SLC13A3: variants seen among roughly 807,000 people sequenced by gnomAD.
SLC13A3 encodes the protein Na(+)/dicarboxylate cotransporter 3.
A neutral mutation model predicts 59.0 loss-of-function variants in SLC13A3; 40 were observed. The ratio of observed to expected loss-of-function variants is 0.68; its 90% confidence interval spans 0.53 to 0.88. The LOEUF (loss-of-function observed/expected upper bound fraction) is 0.88, where lower values mean the gene tolerates loss of function less well. Ranked by LOEUF, SLC13A3 falls within the 40% of genes least tolerant of loss-of-function variation. The pLI is 0.00. For missense variants in SLC13A3, 699 were observed against 783.2 expected, an observed-to-expected ratio of 0.89 and a Z score of 1.28; for synonymous variants, 317 against 330.3, an observed-to-expected ratio of 0.96 and a Z score of 0.44.
chr20:46,578,996 G>A (rs567947754), intron 9 of SLC13A3, among the ~76,000 whole-genome samples: 2 of 152,128 alleles, frequency 1.3e-5, no homozygotes, highest in African/African-American at 4.8e-5. Flanking sequence ...GACCACAAAG[G>A]GTGAGAAATG....
intron 12 of SLC13A3, among the ~76,000 whole-genome samples, chr20:46,561,003 C>T (rs1213580578): frequency 6.6e-6 from 1 of 152,110 alleles, no homozygotes; most frequent in African/African-American, 2.4e-5. Flanking sequence ...TCTTGGGGCC[C>T]CCAAATTACT....
intron 9 of SLC13A3, among the ~76,000 whole-genome samples, chr20:46,580,547 A>G (rs957395881): frequency 1.3e-4 from 19 of 151,886 alleles, no homozygotes; most frequent in Non-Finnish European, 2.5e-4. Context: ...CAGTTGAGTT[A>G]CAAACTCAAT....
intron 1 of SLC13A3, among the ~76,000 whole-genome samples, chr20:46,634,477 G>C (rs1304302238): frequency 2.6e-5 from 4 of 152,116 alleles, no homozygotes; most frequent in Admixed American, 6.5e-5. Context: ...AGACTCAATG[G>C]GGGAAACAGA....
chr20:46,612,776 G>A (rs2062512414), intron 2 of SLC13A3, among the ~76,000 whole-genome samples: 1 of 152,066 alleles, frequency 6.6e-6, no homozygotes, highest in Admixed American at 6.5e-5. Flanking sequence ...CTATTTTAAA[G>A]GCCACCCAAT....
chr20:46,601,172 G>A (rs1235356052), intron 3 of SLC13A3, among the ~76,000 whole-genome samples: 2 of 152,184 alleles, frequency 1.3e-5, no homozygotes, highest in Non-Finnish European at 2.9e-5. Context: ...AATCAGGGAA[G>A]GGGACCCCCT....
chr20:46,585,114 A>T (rs2062178151), intron 8 of SLC13A3: 1 of 980,940 alleles, frequency 1.0e-6, no homozygotes, highest in African/African-American at 1.7e-5. Flanking sequence ...TAAAAGAATA[A>T]ATTTGTGACC....
intron 1 of SLC13A3, among the ~76,000 whole-genome samples, chr20:46,615,788 T>C (rs533842346): frequency 6.6e-6 from 1 of 152,356 alleles, no homozygotes; most frequent in South Asian, 2.1e-4. Context: ...TTAGCTTTTC[T>C]ATCAGTGCTC....
At chr20:46,574,664 C>T (rs941845652) in intron 10 of SLC13A3, among the ~76,000 whole-genome samples, 2 of 152,036 alleles carry the variant, frequency 1.3e-5, no homozygotes, top group Non-Finnish European at 1.5e-5. Flanking sequence ...ACTCTAGAGC[C>T]GAACTGCCTG....
At chr20:46,624,540 A>G (rs539421299) in intron 1 of SLC13A3, among the ~76,000 whole-genome samples, 2 of 152,240 alleles carry the variant, frequency 1.3e-5, no homozygotes, top group Admixed American at 1.3e-4. Flanking sequence ...GCATTATGCT[A>G]TTACACAAGG....
intron 1 of SLC13A3, among the ~76,000 whole-genome samples, chr20:46,628,031 C>T (rs1316331854): frequency 6.6e-6 from 1 of 152,164 alleles, no homozygotes; most frequent in East Asian, 1.9e-4. Flanking sequence ...CAGCTCTGGT[C>T]AACCTCTGCC....
intron 1 of SLC13A3, among the ~76,000 whole-genome samples, chr20:46,636,377 C>G (rs1334110907): frequency 6.6e-6 from 1 of 152,182 alleles, no homozygotes; most frequent in Non-Finnish European, 1.5e-5. Context: ...TAGCTGGTAC[C>G]TAGAAGGTAC....
At chr20:46,652,003 C>T (rs929552964), upstream of SLC13A3, among the ~76,000 whole-genome samples, 2 of 152,174 alleles carry the variant, frequency 1.3e-5, no homozygotes, top group Admixed American at 6.5e-5. Context: ...AACCAAATGC[C>T]GCATGTTTTC....
At chr20:46,635,711 G>C (rs1420233564) in intron 1 of SLC13A3, among the ~76,000 whole-genome samples, 1 of 152,160 alleles carries the variant, frequency 6.6e-6, no homozygotes, top group Non-Finnish European at 1.5e-5. Flanking sequence ...TGCATTCCCA[G>C]GAAGTTAGGC....
At chr20:46,595,752 C>T (rs6017935) in intron 5 of SLC13A3, among the ~76,000 whole-genome samples, 150 of 152,290 alleles carry the variant, frequency 9.8e-4, no homozygotes, top group Middle Eastern at 3.4e-3. Context: ...AGGAGCTACT[C>T]CCCACTGTCG....
At chr20:46,564,271 C>G (rs929527712) in intron 11 of SLC13A3, among the ~76,000 whole-genome samples, 9 of 152,206 alleles carry the variant, frequency 5.9e-5, no homozygotes, top group South Asian at 2.1e-4. Flanking sequence ...ATCAAACCCC[C>G]CTATGAGCTG....
At chr20:46,623,336 G>C (rs73313022) in intron 1 of SLC13A3, among the ~76,000 whole-genome samples, 1,754 of 152,252 alleles carry the variant, frequency 0.012, 41 homozygotes, top group African/African-American at 0.04. Flanking sequence ...TATTCTCTAA[G>C]TTTCAGGCGT....
chr20:46,601,682 G>C (rs927253594), intron 3 of SLC13A3, among the ~76,000 whole-genome samples: 1 of 152,202 alleles, frequency 6.6e-6, no homozygotes, highest in African/African-American at 2.4e-5. Context: ...CTTCTTCAAG[G>C]CTCAAAGAAA....
At chr20:46,584,557 G>A (rs1207858394) in intron 8 of SLC13A3, 5 of 891,140 alleles carry the variant, frequency 5.6e-6, no homozygotes, top group Non-Finnish European at 6.7e-6. Flanking sequence ...GGAAGAGATG[G>A]TCAATATCAC....
In SLC13A3 at chr20:46,583,554, C is replaced by G; in HGVS notation, c.1219+18G>C. 6.2e-7 allele frequency: 1 copy of G among 1,613,412 alleles called. No homozygotes were observed. Among genetic ancestry groups the G allele is most frequent in the Non-Finnish European group, 8.5e-7 (1 of 1,179,774 alleles). On this transcript the variant is annotated intron_variant, in intron 9 of 12. Transcript: ENST00000279027. The stretch of plus-strand genomic sequence containing the variant: ...GTCCTCACTGAGCCCACCGAGACCC[C>G]AGCCTTGACCACCTTACCTTTGAAG...
Sources: gnomAD v4.1 joint callset for allele counts (sites outside exome capture counted in the v4.1 genomes callset) on GRCh38, gnomAD v4.1.1 for gene constraint, MANE v1.5 for transcripts, NCBI Gene and HGNC (gene_info 2026-07-23, HGNC 2026-07-21) for gene names.